The following SLF1 variants were observed in gnomAD, a reference collection of about 807,000 sequenced individuals.
SLF1 encodes the protein SMC5-SMC6 complex localization factor protein 1.
SLF1 carries 105 observed loss-of-function variants against 123.0 expected under a neutral mutation model. The observed-to-expected ratio is 0.85, with a 90% CI of 0.73 to 1.00. SLF1 has a LOEUF of 1.00. Among genes scored for constraint, SLF1 ranks in the 50% least tolerant of loss-of-function variants. The probability of loss-of-function intolerance (pLI) is 0.00; values close to 1 mark genes in which losing one functional copy is unlikely to be tolerated. For missense variants in SLF1, 1,239 were observed against 1,223.0 expected (o/e 1.01, Z -0.20); for synonymous variants, 434 against 406.6 (o/e 1.07, Z -0.81).
intron 4 of SLF1, among the ~76,000 whole-genome samples, chr5:94,633,874 T>G (rs904519625): frequency 6.6e-6 from 1 of 152,234 alleles, no homozygotes; most frequent in African/African-American, 2.4e-5. Flanking sequence ...CTTCTTGCTT[T>G]AGGCTTAATT....
chr5:94,679,359 CG>C (rs1370973369), intron 15 of SLF1, among the ~76,000 whole-genome samples: 1 of 151,772 alleles, frequency 6.6e-6, no homozygotes, highest in African/African-American at 2.4e-5. Flanking sequence ...TTTGGGAAGC[CG>C]AGGTGGGAGG....
chr5:94,638,640 A>G (rs199920338), intron 4 of SLF1, among the ~76,000 whole-genome samples: 1 of 152,218 alleles, frequency 6.6e-6, no homozygotes, highest in East Asian at 1.9e-4. Flanking sequence ...AGTAACCGTG[A>G]GCCCTGGAGA....
chr5:94,628,948 A>G, intron 2 of SLF1, 24 bp downstream of exon 2: 1 of 1,488,758 alleles, frequency 6.7e-7, no homozygotes, highest in African/African-American at 1.4e-5. Flanking sequence ...CAAAATGTTC[A>G]AGATATATTT....
At chr5:94,619,066 C>A (rs887961148) in intron 1 of SLF1, among the ~76,000 whole-genome samples, 2 of 152,094 alleles carry the variant, frequency 1.3e-5, no homozygotes, top group Non-Finnish European at 2.9e-5. Context: ...TGAGCCACTT[C>A]CCCCGCTTCT....
chr5:94,691,847 T>C (rs1284252859), intron 19 of SLF1, among the ~76,000 whole-genome samples, 191 bp downstream of exon 19: 1 of 152,154 alleles, frequency 6.6e-6, no homozygotes, highest in Non-Finnish European at 1.5e-5. Context: ...AAAACATTTT[T>C]TGGTGTCCAT....
intron 14 of SLF1, 98 bp downstream of exon 14, chr5:94,671,106 C>A: frequency 1.1e-6 from 1 of 905,876 alleles, no homozygotes; most frequent in Non-Finnish European, 1.6e-6. Context: ...CACTCGAAAA[C>A]AATTAAAATG....
chr5:94,620,999 G>C (rs1791737072), intron 1 of SLF1, among the ~76,000 whole-genome samples: 1 of 152,134 alleles, frequency 6.6e-6, no homozygotes, highest in Non-Finnish European at 1.5e-5. Context: ...TAGACAAAAA[G>C]AGCACTCTTT....
intron 18 of SLF1, chr5:94,691,233 G>A: frequency 4.5e-6 from 1 of 223,570 alleles, no homozygotes; most frequent in South Asian, 8.9e-5. Flanking sequence ...AGTATTTTTG[G>A]TGTTCTCTGA....
chr5:94,634,894 T>C (rs1356886736), intron 4 of SLF1, among the ~76,000 whole-genome samples: 1 of 152,208 alleles, frequency 6.6e-6, no homozygotes, highest in African/African-American at 2.4e-5. Context: ...TTTAATCAGG[T>C]TGTTTTCTTG....
intron 14 of SLF1, among the ~76,000 whole-genome samples, chr5:94,677,862 G>A (rs1001706459): frequency 1.3e-5 from 2 of 151,626 alleles, no homozygotes; most frequent in African/African-American, 2.4e-5. Flanking sequence ...TGTATGCCTT[G>A]TTACATTTCT....
intron 4 of SLF1, among the ~76,000 whole-genome samples, chr5:94,631,676 TG>T (rs1426243733): frequency 7.9e-5 from 12 of 152,232 alleles, no homozygotes; most frequent in African/African-American, 2.9e-4. Flanking sequence ...GGGATTTTTT[TG>T]TCTTTGCTAA....
intron 14 of SLF1, among the ~76,000 whole-genome samples, chr5:94,673,264 C>A (rs2112450): frequency 0.6 from 90,979 of 151,876 alleles, 27,873 homozygotes; most frequent in African/African-American, 0.74. Context: ...TGAGTAGCTC[C>A]CTTGAGTACC....
Position 94,654,620 on chromosome 5 carries a change from CTA to C in SLF1, c.1033-6_1033-5del, listed in dbSNP as rs1368443012. 6.5e-7 allele frequency: 1 copy of C among 1,528,194 alleles called. No homozygotes were observed. Among genetic ancestry groups the C allele is most frequent in the South Asian group, 1.2e-5 (1 of 80,500 alleles). The allele number at this position is 1,528,194 out of a possible 1,614,324, so 94.7% of individuals were successfully genotyped here. On this transcript the variant is annotated splice_polypyrimidine_tract_variant and splice_region_variant and intron_variant, in intron 8 of 20. Coordinates refer to ENST00000265140, the MANE Select transcript of SLF1 (RefSeq NM_032290.4). Reference sequence around the variant, plus strand: ...CATTTTCTAAAGTCATTTTACTTTGCTATATGCAGAAAGAAATGAAGAATTCT... The same window carrying C: ...CATTTTCTAAAGTCATTTTACTTTGCTATGCAGAAAGAAATGAAGAATTCT...
At chr5:94,627,471 A>G (rs1195358532) in intron 1 of SLF1, among the ~76,000 whole-genome samples, 2 of 151,738 alleles carry the variant, frequency 1.3e-5, no homozygotes, top group East Asian at 1.9e-4. Context: ...CTTTTTGTGA[A>G]CTACATTAAA....
At chr5:94,665,263 A>G (rs559908653) in intron 11 of SLF1, among the ~76,000 whole-genome samples, 1 of 151,878 alleles carries the variant, frequency 6.6e-6, no homozygotes. Flanking sequence ...TGTAGAACCT[A>G]TGGACGTGAA....
At chr5:94,677,539 A>G (rs563721339) in intron 14 of SLF1, among the ~76,000 whole-genome samples, 1 of 152,288 alleles carries the variant, frequency 6.6e-6, no homozygotes, top group South Asian at 2.1e-4. Flanking sequence ...GATTAATTAG[A>G]AAGAAATTAG....
rs1394193449 is a variant in SLF1, at chr5:94,670,148, C to T, written c.1533-3C>T. On this transcript the variant is annotated splice_region_variant and splice_polypyrimidine_tract_variant and intron_variant, in intron 12 of 20. Transcript: ENST00000265140. ...TATAGATTTTTGGGTTCATGTTTTT[C>T]AGGTCTTGCCTTTTCAATGAAAGCT... 4 of 1,532,732 alleles carry T rather than the reference C, an allele frequency of 2.6e-6. No homozygotes were observed. In the Admixed American group the frequency reaches 8.5e-5, roughly 32 times the overall value. The allele number at this position is 1,532,732 out of a possible 1,614,324, so 94.9% of individuals were successfully genotyped here.
chr5:94,633,444 T>C (rs186970037), intron 4 of SLF1, among the ~76,000 whole-genome samples: 2 of 152,368 alleles, frequency 1.3e-5, no homozygotes, highest in East Asian at 3.9e-4. Context: ...AAATGACATC[T>C]ATGTAAATAT....
intron 5 of SLF1, among the ~76,000 whole-genome samples, 174 bp from the exon 6 acceptor site, chr5:94,649,280 A>ATTT (rs1378690266): frequency 6.6e-6 from 1 of 152,106 alleles, no homozygotes; most frequent in East Asian, 1.9e-4. Context: ...TACTATCATG[A>ATTT]TTTTTTCCCT....
Sources: gnomAD v4.1 joint callset for allele counts (sites outside exome capture counted in the v4.1 genomes callset) on GRCh38, gnomAD v4.1.1 for gene constraint, MANE v1.5 for transcripts, NCBI Gene and HGNC (gene_info 2026-07-23, HGNC 2026-07-21) for gene names.